The following MALRD1 variants were observed in gnomAD, a reference collection of about 807,000 sequenced individuals.
MALRD1 encodes MAM and LDL-receptor class A domain-containing protein 1.
In MALRD1, 247 loss-of-function variants were observed where a neutral mutation model predicts 242.1. The ratio of observed to expected loss-of-function variants is 1.02; its 90% CI spans 0.92 to 1.13. The LOEUF (loss-of-function observed/expected upper bound fraction) is 1.13, where lower values mean the gene tolerates loss of function less well. Ranked by LOEUF, MALRD1 falls within the 50% of genes most tolerant of loss-of-function variation. The pLI, the probability that MALRD1 is intolerant of heterozygous loss-of-function variation, is 0.00. For missense variants in MALRD1, 2,989 were observed against 2,533.1 expected (o/e 1.18, Z -3.86); for synonymous variants, 995 against 866.6 (o/e 1.15, Z -2.60).
At position 19,595,394 on chromosome 10, in the gene MALRD1, C is replaced by A. The variant is rs2131558876; in HGVS notation, c.5881C>A (p.Pro1961Thr). The change falls in exon 34 of 40, where the codon CCT (proline) becomes ACT (threonine). Residue 1961 changes from proline to threonine, a missense_variant. Coordinates refer to ENST00000454679, the MANE Select transcript of MALRD1 (RefSeq NM_001142308.3). ...EFPCSTDECI[P>T]SLLLCDGVPD... ...CCCGTGCTCTACAGACGAGTGTATA[C>A]CTTCCCTCCTGCTATGCGATGGAGT... The A allele has an allele frequency of 6.4e-7, 1 of 1,550,444 alleles. No individual in the cohort carries two copies. Among genetic ancestry groups the A allele is most frequent in the Non-Finnish European group, 8.7e-7 (1 of 1,146,886 alleles).
At chr10:19,506,769 G>A (rs894276586) in intron 31 of MALRD1, among the ~76,000 whole-genome samples, 1 of 152,044 alleles carries the variant, frequency 6.6e-6, no homozygotes, top group Non-Finnish European at 1.5e-5. Flanking sequence ...ATTTAAAGAT[G>A]GTGCAATTTG....
chr10:19,492,952 T>G (rs1439156436), intron 30 of MALRD1, among the ~76,000 whole-genome samples: 2 of 152,186 alleles, frequency 1.3e-5, no homozygotes, highest in Admixed American at 1.3e-4. Flanking sequence ...GCTCATTTTC[T>G]ATTTAAAATT....
chr10:19,074,597 A>T (rs1351503957), intron 2 of MALRD1, among the ~76,000 whole-genome samples: 1 of 137,362 alleles, frequency 7.3e-6, no homozygotes, highest in Non-Finnish European at 1.5e-5. Flanking sequence ...GACAACTTAG[A>T]TACTTATTTG....
Position 19,569,361 on chromosome 10 carries a change from T to A in MALRD1, c.5680+1658T>A, listed in dbSNP as rs529529987. Among the ~76,000 whole-genome samples, 3 of 152,126 alleles carry A rather than the reference T, an allele frequency of 2.0e-5. No individual in the cohort carries two copies. In the East Asian group the frequency reaches 5.8e-4, roughly 29 times the overall value. On this transcript the variant is annotated intron_variant, in intron 33 of 39. Transcript: ENST00000454679. Reference sequence around the variant, plus strand: ...GTTCTTTACTTTGCTGGTATTTTTGTGTCCTTTGAATAGAATAAAGCCATT... The same window carrying A: ...GTTCTTTACTTTGCTGGTATTTTTGAGTCCTTTGAATAGAATAAAGCCATT...
At chr10:19,549,006 C>T (rs1042809608) in intron 32 of MALRD1, among the ~76,000 whole-genome samples, 1 of 152,148 alleles carries the variant, frequency 6.6e-6, no homozygotes, top group East Asian at 1.9e-4. Flanking sequence ...TGAACACACA[C>T]ATGATAATGA....
At chr10:19,375,933 C>T (rs544790603) in intron 26 of MALRD1, among the ~76,000 whole-genome samples, 1 of 152,178 alleles carries the variant, frequency 6.6e-6, no homozygotes, top group African/African-American at 2.4e-5. Context: ...ACCATCCTGG[C>T]CAGTGTGGTG....
At chr10:19,286,384 G>A (rs1841119349) in intron 21 of MALRD1, among the ~76,000 whole-genome samples, 1 of 150,454 alleles carries the variant, frequency 6.6e-6, no homozygotes, top group Non-Finnish European at 1.5e-5. Context: ...GATATTGGCT[G>A]TGGGTTTGTC....
intron 21 of MALRD1, among the ~76,000 whole-genome samples, chr10:19,315,950 C>T (rs905636185): frequency 6.7e-6 from 1 of 149,518 alleles, no homozygotes; most frequent in Non-Finnish European, 1.5e-5. Context: ...AATTCATATA[C>T]CTATGAATTT....
At chr10:19,540,819 A>C (rs1313680127) in intron 32 of MALRD1, among the ~76,000 whole-genome samples, 1 of 152,208 alleles carries the variant, frequency 6.6e-6, no homozygotes, top group Non-Finnish European at 1.5e-5. Context: ...TATTTTCAGA[A>C]ATTAAAAATG....
chr10:19,557,846 A>G (rs997717851), intron 32 of MALRD1, among the ~76,000 whole-genome samples: 3 of 152,112 alleles, frequency 2.0e-5, no homozygotes, highest in Non-Finnish European at 4.4e-5. Flanking sequence ...GATTGAATCT[A>G]TAAATTAAGT....
intron 35 of MALRD1, among the ~76,000 whole-genome samples, chr10:19,611,775 G>A (rs548722212): frequency 4.6e-5 from 7 of 151,854 alleles, no homozygotes; most frequent in East Asian, 1.9e-4. Flanking sequence ...ACTTTGTGCC[G>A]TGTCTTTCTG....
At chr10:19,370,443 T>C (rs572938801) in intron 26 of MALRD1, among the ~76,000 whole-genome samples, 3 of 151,518 alleles carry the variant, frequency 2.0e-5, no homozygotes, top group Non-Finnish European at 4.4e-5. Context: ...TCTATATTTT[T>C]AAAAAAATTG....
At chr10:19,167,863 A>G (rs1272212325) in intron 13 of MALRD1, among the ~76,000 whole-genome samples, 1 of 152,200 alleles carries the variant, frequency 6.6e-6, no homozygotes, top group Non-Finnish European at 1.5e-5. Flanking sequence ...CCTCCCCATG[A>G]AAGCAGGAAG....
chr10:19,201,165 G>C (rs894255998), intron 14 of MALRD1, among the ~76,000 whole-genome samples: 1 of 152,052 alleles, frequency 6.6e-6, no homozygotes, highest in Non-Finnish European at 1.5e-5. Context: ...ATGTATACAT[G>C]TGTGTTGACA....
At chr10:19,237,554 A>AT (rs1838382280) in intron 18 of MALRD1, among the ~76,000 whole-genome samples, 9 of 125,740 alleles carry the variant, frequency 7.2e-5, no homozygotes, top group Non-Finnish European at 1.1e-4. Context: ...GTATAATTAT[A>AT]ATTACACATA....
chr10:19,587,907 A>T (rs1051660684), intron 33 of MALRD1, among the ~76,000 whole-genome samples: 5 of 81,822 alleles, frequency 6.1e-5, no homozygotes, highest in Middle Eastern at 5.4e-3. Context: ...TCCTTATCCT[A>T]GGTGTTTTTT....
Position 19,302,576 on chromosome 10 carries a change from A to G in MALRD1, c.3419+19395A>G, listed in dbSNP as rs141122204. On this transcript the variant is annotated intron_variant, in intron 21 of 39. Transcript: ENST00000454679. ...TATTGCATTGATATGAAATTTCCAG[A>G]TTGGGCAAATCTACAGAAAGAGAAA... Among the ~76,000 whole-genome samples the G allele has an allele frequency of 2.0e-5, 3 of 151,948 alleles. No homozygotes were observed. In the East Asian group the frequency reaches 5.8e-4, roughly 30 times the overall value.
chr10:19,621,838 G>C (rs1468425885), intron 36 of MALRD1, among the ~76,000 whole-genome samples: 1 of 151,650 alleles, frequency 6.6e-6, no homozygotes, highest in Admixed American at 6.6e-5. Flanking sequence ...TCTAGGAAAA[G>C]AACCAAATAA....
rs1409582776 is a variant in MALRD1, at chr10:19,084,742, C to CT, written c.341-3092dup. Among the ~76,000 whole-genome samples, 14 of 152,104 alleles carry CT rather than the reference C, an allele frequency of 9.2e-5. No homozygotes were observed. In the South Asian group the frequency reaches 1.2e-3, roughly 14 times the overall value. On this transcript the variant is annotated intron_variant, in intron 2 of 39. Transcript: ENST00000454679. ...GTTGCTTTCATATTTTATATACCTC[C>CT]TTTTTTGTCATCAAACTTGGGATTT... is the stretch of plus-strand genomic sequence containing the variant.
Sources: allele counts gnomAD v4.1 joint callset (sites outside exome capture counted in the v4.1 genomes callset), GRCh38; gene constraint gnomAD v4.1.1; transcripts MANE v1.5; gene names NCBI Gene and HGNC (gene_info 2026-07-23, HGNC 2026-07-21).